The following SLC17A1 variants were observed in gnomAD, a reference collection of about 807,000 sequenced individuals.
SLC17A1 encodes solute carrier family 17 member 1, also known as sodium-dependent phosphate transport protein 1.
Under a neutral mutation model 53.5 loss-of-function variants are expected in SLC17A1, and 51 were observed. That is an observed-to-expected ratio of 0.95 (90% confidence interval 0.76 to 1.20). The LOEUF (loss-of-function observed/expected upper bound fraction) is 1.20, where lower values mean the gene tolerates loss of function less well. Among genes scored for constraint, SLC17A1 ranks in the 50% most tolerant of loss-of-function variants. The probability of loss-of-function intolerance (pLI) is 0.00; values close to 1 mark genes in which losing one functional copy is unlikely to be tolerated. For synonymous variants in SLC17A1, 179 were observed against 198.8 expected, an observed-to-expected ratio of 0.90 and a Z score of 0.84; for missense variants, 538 against 568.2, an observed-to-expected ratio of 0.95 and a Z score of 0.54.
chr6:25,748,358 C>T, the SLC17A1 span, among the ~76,000 whole-genome samples: 1 of 152,128 alleles, frequency 6.6e-6, no homozygotes, highest in Non-Finnish European at 1.5e-5. Flanking sequence ...AAAGATTGGA[C>T]ATCCTACTCC....
the SLC17A1 span, among the ~76,000 whole-genome samples, chr6:25,764,461 G>A: frequency 1.3e-5 from 2 of 152,198 alleles, no homozygotes; most frequent in Non-Finnish European, 2.9e-5. Context: ...ACAACACTTT[G>A]AGAAAGTACT....
downstream of SLC17A1, chr6:25,778,977 A>G: frequency 6.3e-7 from 1 of 1,576,904 alleles, no homozygotes; most frequent in Non-Finnish European, 8.6e-7. Flanking sequence ...GCAGGAGGAC[A>G]CAGAGCCAAA....
At chr6:25,748,899 G>T in the SLC17A1 span, among the ~76,000 whole-genome samples, 54,341 of 152,146 alleles carry the variant, frequency 0.36, 10,504 homozygotes, top group Middle Eastern at 0.5. Flanking sequence ...CTCGCCTCCC[G>T]CCACGGGGCA....
chr6:25,790,579 T>C (rs1763480024), intron 12 of SLC17A1, among the ~76,000 whole-genome samples: 2 of 152,262 alleles, frequency 1.3e-5, no homozygotes, highest in South Asian at 4.1e-4. Flanking sequence ...ATATTAAAAG[T>C]ATATTTTATT....
the SLC17A1 span, among the ~76,000 whole-genome samples, chr6:25,748,487 G>A: frequency 6.6e-6 from 1 of 152,168 alleles, no homozygotes; most frequent in East Asian, 1.9e-4. Context: ...GAGGAGTGAA[G>A]GGATGGCCTG....
the SLC17A1 span, chr6:25,770,376 C>T: frequency 1.1e-5 from 18 of 1,613,692 alleles, no homozygotes; most frequent in East Asian, 6.7e-5. Context: ...TGGAATTTTT[C>T]CCCCCAGGTT....
At chr6:25,730,302 C>T in the SLC17A1 span, among the ~76,000 whole-genome samples, 2 of 152,136 alleles carry the variant, frequency 1.3e-5, no homozygotes, top group South Asian at 2.1e-4. Flanking sequence ...ATGTGGCATA[C>T]ATACATAATA....
chr6:25,814,120 C>T (rs1764254576), intron 6 of SLC17A1, among the ~76,000 whole-genome samples: 1 of 152,202 alleles, frequency 6.6e-6, no homozygotes, highest in South Asian at 2.1e-4. Context: ...CAAATTGTTT[C>T]TATGAGTTTT....
At chr6:25,774,567 G>T in the SLC17A1 span, among the ~76,000 whole-genome samples, 53 of 152,256 alleles carry the variant, frequency 3.5e-4, no homozygotes, top group East Asian at 7.5e-3. Flanking sequence ...AGAGGAAGAG[G>T]GCCAGAAATT....
At chr6:25,748,194 G>A in the SLC17A1 span, among the ~76,000 whole-genome samples, 2 of 152,078 alleles carry the variant, frequency 1.3e-5, no homozygotes, top group Non-Finnish European at 2.9e-5. Context: ...TGGTGTTACT[G>A]AACAGAGGCA....
At chr6:25,821,182 A>C (rs1469066530) in intron 3 of SLC17A1, among the ~76,000 whole-genome samples, 3 of 152,196 alleles carry the variant, frequency 2.0e-5, no homozygotes, top group Non-Finnish European at 4.4e-5. Flanking sequence ...TTGAATATTA[A>C]ATAAAATAGG....
At chr6:25,750,334 C>G in the SLC17A1 span, among the ~76,000 whole-genome samples, 1 of 152,128 alleles carries the variant, frequency 6.6e-6, no homozygotes, top group East Asian at 1.9e-4. Flanking sequence ...TTACTATTGA[C>G]TATATTTCAC....
chr6:25,827,308 G>T (rs1395958600), intron 2 of SLC17A1, among the ~76,000 whole-genome samples: 1 of 152,090 alleles, frequency 6.6e-6, no homozygotes, highest in Non-Finnish European at 1.5e-5. Flanking sequence ...GTTTATAGTA[G>T]ATTTATTCAA....
intron 10 of SLC17A1, among the ~76,000 whole-genome samples, chr6:25,804,526 A>G (rs2099303196): frequency 1.3e-5 from 2 of 152,150 alleles, no homozygotes; most frequent in Non-Finnish European, 1.5e-5. Flanking sequence ...ATAGTACCTG[A>G]CATCTCAATA....
chr6:25,726,432 A>T, the SLC17A1 span: 1 of 1,614,054 alleles, frequency 6.2e-7, no homozygotes. Flanking sequence ...GAAGCAGACG[A>T]TGGATCCGGC....
At chr6:25,731,965 CAAAAG>C in the SLC17A1 span, 32 of 1,596,066 alleles carry the variant, frequency 2.0e-5, no homozygotes, top group Non-Finnish European at 2.5e-5. Flanking sequence ...ATGTCACTAA[CAAAAG>C]AATTCATGAT....
chr6:25,780,073 T>G (rs1015308887), downstream of SLC17A1: 13 of 152,218 alleles, frequency 8.5e-5, no homozygotes, highest in African/African-American at 2.9e-4. Flanking sequence ...CCCAAAGATG[T>G]ATGTAAGACA....
At chr6:25,792,178 A>G (rs1763515992) in intron 12 of SLC17A1, among the ~76,000 whole-genome samples, 1 of 152,200 alleles carries the variant, frequency 6.6e-6, no homozygotes, top group Non-Finnish European at 1.5e-5. Context: ...ACCTGAACCA[A>G]CCAATCAGAG....
chr6:25,808,291 A>G (rs1427877274), intron 10 of SLC17A1, among the ~76,000 whole-genome samples: 1 of 151,804 alleles, frequency 6.6e-6, no homozygotes, highest in African/African-American at 2.4e-5. Context: ...GAGCTAAGCT[A>G]TGGGTATACA....
Sources: gnomAD v4.1 joint callset for allele counts (sites outside exome capture counted in the v4.1 genomes callset) on GRCh38, gnomAD v4.1.1 for gene constraint, MANE v1.5 for transcripts, NCBI Gene and HGNC (gene_info 2026-07-23, HGNC 2026-07-21) for gene names.